VRK1: variants seen among roughly 807,000 people sequenced by gnomAD.
VRK1 encodes the protein VRK serine/threonine kinase 1, also known as serine/threonine-protein kinase VRK1.
Under a neutral mutation model 57.1 loss-of-function variants are expected in VRK1, and 33 were observed. The ratio of observed to expected loss-of-function variants is 0.58; its 90% CI spans 0.44 to 0.77. The LOEUF (loss-of-function observed/expected upper bound fraction) is 0.77, where lower values mean the gene tolerates loss of function less well. Ranked by LOEUF, VRK1 falls within the 30% of genes least tolerant of loss-of-function variation. VRK1 has a pLI of 0.00. For missense variants in VRK1, 413 were observed against 477.3 expected (o/e 0.87, Z 1.25); for synonymous variants, 137 against 147.8 (o/e 0.93, Z 0.53).
intron 1 of VRK1, among the ~76,000 whole-genome samples, chr14:96,828,439 G>A (rs907471934): frequency 2.0e-5 from 3 of 152,158 alleles, no homozygotes; most frequent in African/African-American, 7.2e-5. Flanking sequence ...TCCTTAGATT[G>A]TGGTAAAGGA....
At position 96,876,110 on chromosome 14, in the gene VRK1, C is replaced by T. The variant is rs1257711610; in HGVS notation, c.1149C>T (p.Ala383=). 5.6e-6 allele frequency: 9 copies of T among 1,613,578 alleles called. No homozygotes were observed. Among genetic ancestry groups the T allele is most frequent in the Non-Finnish European group, 5.9e-6 (7 of 1,179,624 alleles). Residue 383 remains alanine (A), a synonymous_variant, in exon 12 of 13, where the codon GCC becomes GCT. Coordinates refer to ENST00000216639, the MANE Select transcript of VRK1 (RefSeq NM_003384.3). ...TEWSNTQTEE[A]IQTRSRTRKR... ...GGTCAAACACACAGACAGAGGAGGC[C>T]ATACAGACCCGTAAGTTGAACAGTT...
chr14:96,863,344 A>G (rs1161870280), intron 11 of VRK1, among the ~76,000 whole-genome samples: 2 of 152,230 alleles, frequency 1.3e-5, no homozygotes, highest in African/African-American at 2.4e-5. Flanking sequence ...TTACATAAAA[A>G]GTCTAGTTTA....
intron 3 of VRK1, among the ~76,000 whole-genome samples, chr14:96,842,809 G>A (rs1887518045): frequency 6.6e-6 from 1 of 152,144 alleles, no homozygotes. Flanking sequence ...GTAGAATCTG[G>A]CACACAGAGC....
intron 11 of VRK1, among the ~76,000 whole-genome samples, chr14:96,874,522 A>G (rs1460400920): frequency 6.6e-6 from 1 of 152,230 alleles, no homozygotes; most frequent in Non-Finnish European, 1.5e-5. Context: ...CTCATCAGTT[A>G]TATGAAGTTA....
In VRK1 at chr14:96,860,747, TATTAA is replaced by T; in HGVS notation, c.1068+17_1068+21del. The T allele has an allele frequency of 6.2e-7, 1 of 1,611,210 alleles. No homozygotes were observed. Among genetic ancestry groups the T allele is most frequent in the Non-Finnish European group, 8.5e-7 (1 of 1,178,470 alleles). On this transcript the variant is annotated intron_variant, in intron 11 of 12. Transcript: ENST00000216639. ...AAACAATAACAAAGGTGAATTTTGT[TATTAA>T]ATTATTCTTTGGTCTTCTTGTGTTT...
At chr14:96,851,306 A>T (rs981219171) in intron 5 of VRK1, among the ~76,000 whole-genome samples, 8 of 151,936 alleles carry the variant, frequency 5.3e-5, no homozygotes, top group Admixed American at 2.0e-4. Flanking sequence ...GTGCCCGGCT[A>T]ATTTTTGTGT....
rs1474661214 is a variant in VRK1 at position 96,842,448 on chromosome 14, T to C, written c.217-3647T>C. On this transcript the variant is annotated intron_variant, in intron 3 of 12. Coordinates refer to ENST00000216639, the MANE Select transcript of VRK1 (RefSeq NM_003384.3). ...TTTTCAAAGAACATGTACTACTCTT[T>C]GGGGAAGTTTTATAATTATTTCTAA... is the stretch of plus-strand genomic sequence containing the variant. 2.0e-5 allele frequency among the ~76,000 whole-genome samples: 3 copies of C among 152,186 alleles called. No homozygotes were observed. The South Asian group carries it at 6.2e-4, about 32-fold the overall frequency.
chr14:96,880,764 A>G (rs944826462), intron 12 of VRK1, among the ~76,000 whole-genome samples: 1 of 152,236 alleles, frequency 6.6e-6, no homozygotes, highest in African/African-American at 2.4e-5. Flanking sequence ...TTTGCTTTTC[A>G]TAACATGTGT....
intron 11 of VRK1, among the ~76,000 whole-genome samples, chr14:96,867,705 C>T (rs1595685958): frequency 6.6e-6 from 1 of 152,164 alleles, no homozygotes; most frequent in Non-Finnish European, 1.5e-5. Flanking sequence ...CTCCATGTCT[C>T]CTAACTCTTC....
chr14:96,817,694 G>A (rs961121184), intron 1 of VRK1, among the ~76,000 whole-genome samples: 1 of 152,158 alleles, frequency 6.6e-6, no homozygotes, highest in Non-Finnish European at 1.5e-5. Context: ...AGAATTAATT[G>A]TAAAAGTTTG....
At chr14:96,843,737 T>G (rs538545082) in intron 3 of VRK1, among the ~76,000 whole-genome samples, 1 of 152,304 alleles carries the variant, frequency 6.6e-6, no homozygotes, top group South Asian at 2.1e-4. Flanking sequence ...GTTAATAAAA[T>G]TTTAGTTATG....
At chr14:96,806,548 A>G (rs1008213386) in intron 1 of VRK1, among the ~76,000 whole-genome samples, 6 of 152,208 alleles carry the variant, frequency 3.9e-5, no homozygotes, top group Admixed American at 3.9e-4. Flanking sequence ...GGTCAGGTAG[A>G]TCTAGTTCAA....
At chr14:96,866,804 A>G (rs1888605349) in intron 11 of VRK1, among the ~76,000 whole-genome samples, 2 of 152,192 alleles carry the variant, frequency 1.3e-5, no homozygotes, top group African/African-American at 4.8e-5. Flanking sequence ...GTTATGCTGC[A>G]AAGCTATGAT....
At chr14:96,860,430 G>GA (rs1056213391) in intron 10 of VRK1, 127 bp from the exon 11 acceptor site, 2 of 882,974 alleles carry the variant, frequency 2.3e-6, no homozygotes, top group South Asian at 2.0e-5. Flanking sequence ...TGAAGTGATT[G>GA]AAAAAAATAG....
At chr14:96,828,393 C>T (rs901423649) in intron 1 of VRK1, among the ~76,000 whole-genome samples, 3 of 152,170 alleles carry the variant, frequency 2.0e-5, no homozygotes, top group African/African-American at 7.2e-5. Context: ...TTGAAGTCTT[C>T]AAAACCTTAA....
chr14:96,808,024 T>TCTCTCC (rs762861599), intron 1 of VRK1, among the ~76,000 whole-genome samples: 1 of 47,320 alleles, frequency 2.1e-5, no homozygotes, highest in African/African-American at 5.4e-5. Context: ...CCTCTGTGTG[T>TCTCTCC]GTGTGTGTGT....
In VRK1 at chr14:96,836,498, G is replaced by A. The variant is rs1280638712; in HGVS notation, c.161-1264G>A. On this transcript the variant is annotated intron_variant, in intron 2 of 12. Transcript: ENST00000216639. The stretch of plus-strand genomic sequence containing the variant: ...CCTCCTTGTTTTCCAAACATGTCAA[G>A]CACACTCCTACATCAGGGTCTTTTT... 2.7e-5 allele frequency among the ~76,000 whole-genome samples: 4 copies of A among 147,744 alleles called. No homozygotes were observed. The South Asian group carries it at 8.6e-4, about 32-fold the overall frequency.
chr14:96,812,718 TAA>T (rs901263248), intron 1 of VRK1, among the ~76,000 whole-genome samples: 1 of 151,934 alleles, frequency 6.6e-6, no homozygotes, highest in Non-Finnish European at 1.5e-5. Flanking sequence ...GCAGGATGGT[TAA>T]GAGGGTTTTC....
chr14:96,841,586 G>A (rs987088424), intron 3 of VRK1, among the ~76,000 whole-genome samples: 3 of 152,060 alleles, frequency 2.0e-5, no homozygotes, highest in East Asian at 1.9e-4. Context: ...GACCAGGCGC[G>A]GTGGCTCACG....
Sources: gnomAD v4.1 joint callset for allele counts (sites outside exome capture counted in the v4.1 genomes callset) on GRCh38, gnomAD v4.1.1 for gene constraint, MANE v1.5 for transcripts, NCBI Gene and HGNC (gene_info 2026-07-23, HGNC 2026-07-21) for gene names.